The following WNK2 variants were observed in gnomAD, a reference collection of about 807,000 sequenced individuals.
WNK2 encodes serine/threonine-protein kinase WNK2.
In WNK2, 67 loss-of-function variants were observed where a neutral mutation model predicts 192.1. The observed-to-expected ratio is 0.35, with a 90% CI of 0.29 to 0.43. WNK2 has a LOEUF of 0.43. WNK2 is among the 20% of genes least tolerant of loss of function. The pLI is 1.00. For synonymous variants in WNK2, 1,439 were observed against 1,393.9 expected (o/e 1.03, Z -0.72); for missense variants, 2,698 against 3,089.7 (o/e 0.87, Z 3.01).
Position 93,184,916 on chromosome 9 carries a change from C to T in WNK2, c.-2-12C>T, listed in dbSNP as rs746904707. The T allele has an allele frequency of 1.8e-3, 2,179 of 1,219,382 alleles. 4 individuals are homozygous for T. The highest frequency in any genetic ancestry group is 1.9e-3 in the Non-Finnish European group (1,896 of 981,076). The allele number at this position is 1,219,382 out of a possible 1,614,324, so 75.5% of individuals were successfully genotyped here. A position where few individuals can be genotyped will look rare whatever the true frequency, so the allele number is the denominator to read the frequency against. ...CGGCGCTCACGCGGGCCTGTGTGTC[C>T]TTGGCCCACAGAGATGGACGGCGAT... On this transcript the variant is annotated splice_polypyrimidine_tract_variant and intron_variant, in intron 1 of 29. Transcript: ENST00000427277.
chr9:93,211,238 T>A, intron 2 of WNK2, among the ~76,000 whole-genome samples: 1 of 45,938 alleles, frequency 2.2e-5, no homozygotes, highest in Non-Finnish European at 4.0e-5. Flanking sequence ...ACTCACTCAC[T>A]CATTCACTCA....
chr9:93,195,710 A>AAAAAAAAAAAAAAC (rs1831140821), intron 2 of WNK2, among the ~76,000 whole-genome samples: 1 of 150,216 alleles, frequency 6.7e-6, no homozygotes, highest in African/African-American at 2.5e-5. Flanking sequence ...AAAAAAAAAA[A>AAAAAAAAAAAAAAC]AAAAAAAAAA....
intron 26 of WNK2, among the ~76,000 whole-genome samples, chr9:93,301,151 T>C (rs1169448310): frequency 6.6e-6 from 1 of 152,252 alleles, no homozygotes; most frequent in Non-Finnish European, 1.5e-5. Context: ...GCACGCAGTT[T>C]GTTTTTAACC....
At chr9:93,317,722 C>T in intron 29 of WNK2, 91 bp downstream of exon 29, 1 of 1,505,658 alleles carries the variant, frequency 6.6e-7, no homozygotes, top group Non-Finnish European at 9.0e-7. Context: ...TCCTGGGGGC[C>T]CTGGGCAGGC....
At chr9:93,201,170 A>T (rs2131254786) in intron 2 of WNK2, among the ~76,000 whole-genome samples, 1 of 152,070 alleles carries the variant, frequency 6.6e-6, no homozygotes, top group South Asian at 2.1e-4. Flanking sequence ...CCTGCTTGGG[A>T]TGAGTCTGTG....
chr9:93,263,582 G>A lies in WNK2; in HGVS notation c.3427G>A (p.Val1143Ile), dbSNP rs1168487226. Residue 1143 changes from valine to isoleucine, a missense_variant, in exon 15 of 30, where the codon GTC becomes ATC. Coordinates refer to ENST00000427277, the MANE Select transcript of WNK2 (RefSeq NM_006648.4). The part of the protein sequence containing the change: ...QSCESYGGSD[V>I]TSGKELSDSC... Reference sequence around the variant, plus strand: ...TTTGCTCAGCTATGGAGGTTCTGATGTCACTTCTGGAAAAGAGCTGAGTGA... The same window carrying A: ...TTTGCTCAGCTATGGAGGTTCTGATATCACTTCTGGAAAAGAGCTGAGTGA... 1.2e-6 allele frequency: 2 copies of A among 1,611,426 alleles called. No individual in the cohort carries two copies. The highest frequency in any genetic ancestry group is 1.3e-5 in the African/African-American group (1 of 74,640).
chr9:93,193,815 A>C (rs776639091), intron 2 of WNK2, among the ~76,000 whole-genome samples: 46 of 152,342 alleles, frequency 3.0e-4, no homozygotes, highest in Admixed American at 5.9e-4. Context: ...ACGACTTCTT[A>C]TTTAAATTGG....
At chr9:93,256,696 G>C in intron 10 of WNK2, 1 of 663,806 alleles carries the variant, frequency 1.5e-6, no homozygotes, top group Non-Finnish European at 2.5e-6. Context: ...GCACATGGAA[G>C]GCTCTGCTCA....
chr9:93,243,505 A>G (rs1002006568), intron 7 of WNK2, among the ~76,000 whole-genome samples: 2 of 152,110 alleles, frequency 1.3e-5, no homozygotes, highest in South Asian at 2.1e-4. Flanking sequence ...ATTGTGAGAC[A>G]CATCACCCGT....
intron 9 of WNK2, 44 bp downstream of exon 9, chr9:93,253,126 C>G: frequency 7.4e-7 from 1 of 1,349,480 alleles, no homozygotes; most frequent in Non-Finnish European, 9.5e-7. Flanking sequence ...ATCCCCATTA[C>G]CTGGTCTGAG....
intron 5 of WNK2, among the ~76,000 whole-genome samples, chr9:93,236,321 C>T (rs1011141793): frequency 1.3e-5 from 2 of 152,196 alleles, no homozygotes; most frequent in African/African-American, 4.8e-5. Flanking sequence ...TGGGCAGAGC[C>T]CTTAGGTTCT....
At chr9:93,311,370 T>C (rs550666155) in intron 28 of WNK2, among the ~76,000 whole-genome samples, 20 of 152,348 alleles carry the variant, frequency 1.3e-4, no homozygotes, top group African/African-American at 4.6e-4. Context: ...CTTCCATCTT[T>C]TAGCTGTTAT....
At chr9:93,227,222 T>C (rs2131947396) in intron 2 of WNK2, among the ~76,000 whole-genome samples, 1 of 151,924 alleles carries the variant, frequency 6.6e-6, no homozygotes, top group South Asian at 2.1e-4. Flanking sequence ...CATGCCATTC[T>C]CCTACCTCAG....
intron 9 of WNK2, among the ~76,000 whole-genome samples, chr9:93,254,644 A>G (rs1479719295): frequency 6.6e-6 from 1 of 152,204 alleles, no homozygotes; most frequent in African/African-American, 2.4e-5. Context: ...GAAGTGAAAT[A>G]CAATTTTAAA....
rs1838394172 is a variant in WNK2, at chr9:93,229,618, C to T, written c.682-78C>T. 7 of 1,495,956 alleles carry T rather than the reference C, an allele frequency of 4.7e-6. No individual in the cohort carries two copies. Among genetic ancestry groups the T allele is most frequent in the African/African-American group, 2.8e-5 (2 of 72,454 alleles). The allele number at this position is 1,495,956 out of a possible 1,614,324, so 92.7% of individuals were successfully genotyped here. A position where few individuals can be genotyped will look rare whatever the true frequency, so the allele number is the denominator to read the frequency against. On this transcript the variant is annotated intron_variant, in intron 2 of 29. Coordinates refer to ENST00000427277, the MANE Select transcript of WNK2 (RefSeq NM_006648.4). The surrounding 1 kb of genome is among the most constrained non-coding windows in gnomAD (Gnocchi z 4.9). ...GGGAAGGGCTGGTCCTACTGTGTGG[C>T]GCTGCTGGGATGTGACGCCACCGTG...
intron 26 of WNK2, among the ~76,000 whole-genome samples, chr9:93,301,940 G>T (rs1445911092): frequency 6.6e-6 from 1 of 152,224 alleles, no homozygotes; most frequent in African/African-American, 2.4e-5. Context: ...GCCGGGGAGA[G>T]CCCAGGTGGG....
Position 93,259,176 on chromosome 9 carries a change from T to G in WNK2, c.2628T>G (p.Ile876Met), listed in dbSNP as rs1218873699. 2 of 1,612,592 alleles carry G rather than the reference T, an allele frequency of 1.2e-6. No individual in the cohort carries two copies. The highest frequency in any genetic ancestry group is 2.2e-5 in the South Asian group (2 of 91,050). Residue 876 changes from isoleucine to methionine, a missense_variant, in exon 12 of 30, where the codon ATT (isoleucine) becomes ATG (methionine). Coordinates refer to ENST00000427277, the MANE Select transcript of WNK2 (RefSeq NM_006648.4). The surrounding 1 kb of genome is among the most constrained non-coding windows in gnomAD (Gnocchi z 4.8). The stretch of plus-strand genomic sequence containing the variant: ...CCCTGGCCATGCCCTGCCGGACCAT[T>G]GTGCCAAATGCACCGGCCACTATCC... ...GAPLAMPCRT[I>M]VPNAPATIPL...
chr9:93,256,496 G>T lies in WNK2; in HGVS notation c.2190+42G>T, dbSNP rs779212175. On this transcript the variant is annotated intron_variant, in intron 10 of 29. Transcript: ENST00000427277. ...CTGTGGCCACTGTCCCTCCAGGCAG[G>T]CAGTCACCTGTGCTGGCCCCTGGGC... 7 of 1,482,370 alleles carry T rather than the reference G, an allele frequency of 4.7e-6. No individual in the cohort carries two copies. In the South Asian group the frequency reaches 9.2e-5, roughly 19 times the overall value. 91.8% of individuals were successfully genotyped at this position (1,482,370 alleles called of 1,614,324 possible).
intron 19 of WNK2, among the ~76,000 whole-genome samples, chr9:93,275,974 G>A (rs1211043754): frequency 6.6e-6 from 1 of 152,174 alleles, no homozygotes; most frequent in Non-Finnish European, 1.5e-5. Context: ...AAATAGAGAA[G>A]CATACTGTGT....
Sources: gnomAD v4.1 joint callset for allele counts (sites outside exome capture counted in the v4.1 genomes callset) on GRCh38, gnomAD v4.1.1 for gene constraint, Gnocchi (gnomAD v3.1) non-coding constraint, MANE v1.5 for transcripts, NCBI Gene and HGNC (gene_info 2026-07-23, HGNC 2026-07-21) for gene names.